Variants in GPAM observed in about 807,000 individuals in gnomAD.
GPAM encodes the protein glycerol-3-phosphate acyltransferase 1, mitochondrial.
A neutral mutation model predicts 105.0 loss-of-function variants in GPAM; 56 were observed. That is an observed-to-expected ratio of 0.53 (90% CI 0.43 to 0.67). The LOEUF (loss-of-function observed/expected upper bound fraction) is 0.67. Among genes scored for constraint, GPAM ranks in the 30% least tolerant of loss-of-function variants. The pLI, the probability that GPAM is intolerant of heterozygous loss-of-function variation, is 0.00. For synonymous variants in GPAM, 368 were observed against 354.4 expected, an observed-to-expected ratio of 1.04 and a Z score of -0.43; for missense variants, 855 against 989.8, an observed-to-expected ratio of 0.86 and a Z score of 1.83.
intron 15 of GPAM, among the ~76,000 whole-genome samples, chr10:112,161,246 G>A (rs1413530259): frequency 6.6e-6 from 1 of 152,088 alleles, no homozygotes; most frequent in Non-Finnish European, 1.5e-5. Flanking sequence ...GGCACTGTTT[G>A]GTGTTGAGAA....
chr10:112,177,154 C>G (rs1847422285), intron 5 of GPAM, among the ~76,000 whole-genome samples: 2 of 152,096 alleles, frequency 1.3e-5, no homozygotes, highest in Admixed American at 1.3e-4. Context: ...TGCTCATGTA[C>G]TTAGACTTAA....
At chr10:112,155,815 C>CT in intron 20 of GPAM, 49 bp downstream of exon 20, 1 of 1,071,038 alleles carries the variant, frequency 9.3e-7, no homozygotes, top group South Asian at 1.5e-5. Flanking sequence ...TTTCTGAAAT[C>CT]CAAAAAAAAA....
In GPAM at chr10:112,172,965, C is replaced by T; in HGVS notation, c.657+5G>A. On this transcript the variant is annotated splice_donor_5th_base_variant and intron_variant, in intron 8 of 21. Coordinates refer to ENST00000348367, the MANE Select transcript of GPAM (RefSeq NM_001244949.2). Reference sequence around the variant, plus strand: ...ATGGGGTAATAGATTCACAGAAATTCTTGCCTCAGTTGCAGCTTTAACCAT... The same window carrying T: ...ATGGGGTAATAGATTCACAGAAATTTTTGCCTCAGTTGCAGCTTTAACCAT... The T allele has an allele frequency of 6.8e-7, 1 of 1,475,564 alleles. No homozygotes were observed. Among genetic ancestry groups the T allele is most frequent in the Non-Finnish European group, 9.5e-7 (1 of 1,053,556 alleles). The allele number at this position is 1,475,564 out of a possible 1,614,324, so 91.4% of individuals were successfully genotyped here.
At chr10:112,204,663 A>C (rs926302514) in intron 1 of GPAM, among the ~76,000 whole-genome samples, 2 of 151,846 alleles carry the variant, frequency 1.3e-5, no homozygotes, top group Non-Finnish European at 2.9e-5. Flanking sequence ...GGCTGTTTAT[A>C]GGAAAACAAC....
intron 1 of GPAM, among the ~76,000 whole-genome samples, chr10:112,196,995 T>C (rs1295378680): frequency 6.6e-6 from 1 of 152,212 alleles, no homozygotes; most frequent in Non-Finnish European, 1.5e-5. Context: ...CATACATAAA[T>C]TGTAGAATTC....
At chr10:112,170,453 G>T (rs1454765479) in intron 9 of GPAM, among the ~76,000 whole-genome samples, 1 of 152,224 alleles carries the variant, frequency 6.6e-6, no homozygotes, top group Non-Finnish European at 1.5e-5. Flanking sequence ...TGAAAGGGAA[G>T]TTGGATTACA....
intron 1 of GPAM, among the ~76,000 whole-genome samples, chr10:112,210,801 T>C (rs1422213316): frequency 6.6e-6 from 1 of 152,204 alleles, no homozygotes; most frequent in Admixed American, 6.5e-5. Flanking sequence ...ATGTCACTAA[T>C]AAGAGCTCAC....
intron 6 of GPAM, among the ~76,000 whole-genome samples, chr10:112,174,076 C>T (rs1847360679): frequency 1.3e-5 from 2 of 151,726 alleles, no homozygotes; most frequent in Admixed American, 1.3e-4. Flanking sequence ...GGAAAGCAGA[C>T]TAAGAATTTA....
intron 19 of GPAM, 72 bp downstream of exon 19, chr10:112,157,177 C>A: frequency 7.6e-7 from 1 of 1,319,926 alleles, no homozygotes; most frequent in Non-Finnish European, 1.1e-6. Context: ...CACCAGGACT[C>A]CAGCTGATCT....
chr10:112,153,512 T>A lies in GPAM; in HGVS notation c.*38A>T. On this transcript the variant is annotated 3_prime_UTR_variant, in exon 22 of 22. Coordinates refer to ENST00000348367, the MANE Select transcript of GPAM (RefSeq NM_001244949.2). ...GAAGCTGGTACCTACAAGGAACTCATCTCATGACCTTCATTTGCCAGCAGT... is the reference window on the plus strand; with the variant it reads ...GAAGCTGGTACCTACAAGGAACTCAACTCATGACCTTCATTTGCCAGCAGT... 6.2e-7 allele frequency: 1 copy of A among 1,613,092 alleles called. No individual in the cohort carries two copies. Among genetic ancestry groups the A allele is most frequent in the Non-Finnish European group, 8.5e-7 (1 of 1,179,386 alleles).
At chr10:112,209,092 T>C (rs1290989750) in intron 1 of GPAM, among the ~76,000 whole-genome samples, 3 of 152,216 alleles carry the variant, frequency 2.0e-5, no homozygotes, top group Admixed American at 1.3e-4. Context: ...CACTGCTCTA[T>C]GGTCCGGTCA....
intron 1 of GPAM, among the ~76,000 whole-genome samples, chr10:112,208,331 G>A (rs1187316070): frequency 6.6e-6 from 1 of 152,156 alleles, no homozygotes; most frequent in Non-Finnish European, 1.5e-5. Flanking sequence ...TAAACATCCT[G>A]ATAACCCTGA....
chr10:112,169,291 G>C (rs973789327), intron 9 of GPAM, among the ~76,000 whole-genome samples: 3 of 152,212 alleles, frequency 2.0e-5, no homozygotes, highest in African/African-American at 7.2e-5. Flanking sequence ...ATCCTGCCCA[G>C]GGTCTCAAGA....
At chr10:112,154,866 A>C in intron 20 of GPAM, 179 bp from the exon 21 acceptor site, 1 of 666,804 alleles carries the variant, frequency 1.5e-6, no homozygotes, top group Non-Finnish European at 2.7e-6. Flanking sequence ...CTTGCTGTTA[A>C]ACCTACTTTG....
intron 1 of GPAM, among the ~76,000 whole-genome samples, chr10:112,214,058 G>A (rs1847942630): frequency 6.6e-6 from 1 of 152,152 alleles, no homozygotes; most frequent in South Asian, 2.1e-4. Flanking sequence ...GACCCCTGCA[G>A]TGAAAGCTCC....
chr10:112,191,926 A>G (rs906626277), intron 1 of GPAM, among the ~76,000 whole-genome samples: 6 of 152,186 alleles, frequency 3.9e-5, no homozygotes, highest in African/African-American at 1.4e-4. Flanking sequence ...GTGAAGAATG[A>G]CAGTCCAGCA....
chr10:112,227,325 T>C, the GPAM span, among the ~76,000 whole-genome samples: 5 of 152,136 alleles, frequency 3.3e-5, no homozygotes, highest in Non-Finnish European at 5.9e-5. Flanking sequence ...TTAGGCAAAA[T>C]AGTTTGGGGG....
intron 1 of GPAM, among the ~76,000 whole-genome samples, chr10:112,208,274 A>C (rs1292589070): frequency 6.6e-6 from 1 of 152,234 alleles, no homozygotes; most frequent in Non-Finnish European, 1.5e-5. Flanking sequence ...ACCTGAATTA[A>C]CACCACTCTG....
chr10:112,200,988 A>G (rs949876347), intron 1 of GPAM, among the ~76,000 whole-genome samples: 1 of 152,232 alleles, frequency 6.6e-6, no homozygotes, highest in Non-Finnish European at 1.5e-5. Context: ...GACCCTAGAG[A>G]CAAAATGCTT....
Sources: gnomAD v4.1 joint callset for allele counts (sites outside exome capture counted in the v4.1 genomes callset) on GRCh38, gnomAD v4.1.1 for gene constraint, MANE v1.5 for transcripts, NCBI Gene and HGNC (gene_info 2026-07-23, HGNC 2026-07-21) for gene names.